The following ADGRB3 variants were observed in gnomAD, a reference collection of about 807,000 sequenced individuals.
ADGRB3 encodes brain-specific angiogenesis inhibitor 3.
A neutral mutation model predicts 193.4 loss-of-function variants in ADGRB3; 37 were observed. The ratio of observed to expected loss-of-function variants is 0.19; its 90% confidence interval spans 0.15 to 0.25. The LOEUF is 0.25. Among genes scored for constraint, ADGRB3 ranks in the 10% least tolerant of loss-of-function variants. The pLI is 1.00. For missense variants in ADGRB3, 1,637 were observed against 1,852.9 expected, an observed-to-expected ratio of 0.88 and a Z score of 2.14; for synonymous variants, 690 against 644.2, an observed-to-expected ratio of 1.07 and a Z score of -1.08.
Position 69,016,179 on chromosome 6 carries a change from A to G in ADGRB3, c.1998+2073A>G, listed in dbSNP as rs184411405. Among the ~76,000 whole-genome samples, 4 of 152,100 alleles carry G rather than the reference A, an allele frequency of 2.6e-5. No homozygotes were observed. The East Asian group carries it at 7.7e-4, about 29-fold the overall frequency. On this transcript the variant is annotated intron_variant, in intron 12 of 31. Transcript: ENST00000370598. Reference sequence around the variant, plus strand: ...ATGTCCTGCAAAGCCTAAAATGTTTACTATATGCAAACAGAAAAAGTTTGC... The same window carrying G: ...ATGTCCTGCAAAGCCTAAAATGTTTGCTATATGCAAACAGAAAAAGTTTGC...
At chr6:69,371,455 A>G (rs1358844470) in intron 29 of ADGRB3, among the ~76,000 whole-genome samples, 3 of 152,076 alleles carry the variant, frequency 2.0e-5, no homozygotes, top group Non-Finnish European at 4.4e-5. Context: ...GAAAAATAAA[A>G]CAAAATTTTG....
chr6:69,023,563 A>G (rs1230811072), intron 13 of ADGRB3, among the ~76,000 whole-genome samples: 2 of 152,180 alleles, frequency 1.3e-5, no homozygotes, highest in African/African-American at 2.4e-5. Context: ...GCACATATGT[A>G]TAGAAGTGAA....
Position 68,993,764 on chromosome 6 carries a change from A to G in ADGRB3, c.1735-4A>G. The G allele has an allele frequency of 6.2e-7, 1 of 1,611,490 alleles. No individual in the cohort carries two copies. Among genetic ancestry groups the G allele is most frequent in the Non-Finnish European group, 8.5e-7 (1 of 1,178,312 alleles). On this transcript the variant is annotated splice_region_variant and splice_polypyrimidine_tract_variant and intron_variant, in intron 10 of 31. Transcript: ENST00000370598. ...TGTTTGCTCTGTTCTTTTGACCATCACAGATTAAAGAGCACCTTGCTAAGG... is the reference window on the plus strand; with the variant it reads ...TGTTTGCTCTGTTCTTTTGACCATCGCAGATTAAAGAGCACCTTGCTAAGG...
chr6:69,378,059 G>A lies in ADGRB3; in HGVS notation c.4276-4772G>A, dbSNP rs562120687. 2.7e-4 allele frequency among the ~76,000 whole-genome samples: 41 copies of A among 152,176 alleles called. No homozygotes were observed. In the South Asian group the frequency reaches 8.5e-3, roughly 32 times the overall value. On this transcript the variant is annotated intron_variant, in intron 30 of 31. Coordinates refer to ENST00000370598, the MANE Select transcript of ADGRB3 (RefSeq NM_001704.3). ...CTGTCTTGTTCATTTAAGGTATTCA[G>A]TATACATTTATTGAGCACCTGCTGA...
chr6:68,985,577 C>A (rs1769047580), intron 10 of ADGRB3, among the ~76,000 whole-genome samples: 2 of 152,232 alleles, frequency 1.3e-5, no homozygotes, highest in South Asian at 4.1e-4. Flanking sequence ...ATGGAGGTGA[C>A]CATTGCCATG....
intron 17 of ADGRB3, among the ~76,000 whole-genome samples, chr6:69,110,370 T>C (rs561933879): frequency 1.3e-5 from 2 of 152,310 alleles, no homozygotes; most frequent in Non-Finnish European, 2.9e-5. Context: ...ATTTTGAACA[T>C]AATATCTCTA....
intron 12 of ADGRB3, among the ~76,000 whole-genome samples, chr6:69,016,425 A>G (rs1234543556): frequency 2.0e-5 from 3 of 151,980 alleles, no homozygotes; most frequent in African/African-American, 7.2e-5. Flanking sequence ...TCCTCAAGGT[A>G]AACGGTAACT....
chr6:69,277,038 C>A (rs1208456305), intron 20 of ADGRB3, among the ~76,000 whole-genome samples: 1 of 149,250 alleles, frequency 6.7e-6, no homozygotes, highest in Non-Finnish European at 1.5e-5. Context: ...GCTCTGTCAC[C>A]ATGCTGGAGT....
At chr6:68,874,082 T>C (rs1297845917) in intron 3 of ADGRB3, among the ~76,000 whole-genome samples, 1 of 152,050 alleles carries the variant, frequency 6.6e-6, no homozygotes, top group Non-Finnish European at 1.5e-5. Context: ...ATTTGACTTT[T>C]AGACTTTTAG....
chr6:69,321,924 A>G (rs1378946239), intron 20 of ADGRB3, among the ~76,000 whole-genome samples: 1 of 151,748 alleles, frequency 6.6e-6, no homozygotes, highest in Non-Finnish European at 1.5e-5. Flanking sequence ...AATGGGTGTT[A>G]TGGAGTCTGG....
chr6:68,669,231 T>A (rs937211341), intron 3 of ADGRB3, among the ~76,000 whole-genome samples: 2 of 151,872 alleles, frequency 1.3e-5, no homozygotes, highest in African/African-American at 4.8e-5. Context: ...AACAATTCAA[T>A]TACACTCTTT....
chr6:69,254,854 C>T (rs1219427431), intron 20 of ADGRB3, among the ~76,000 whole-genome samples: 1 of 111,962 alleles, frequency 8.9e-6, no homozygotes, highest in African/African-American at 3.4e-5. Flanking sequence ...CTATCCCTCC[C>T]CCCTCCCCCC....
intron 17 of ADGRB3, among the ~76,000 whole-genome samples, chr6:69,159,892 T>C (rs1774938955): frequency 6.6e-6 from 1 of 152,130 alleles, no homozygotes; most frequent in Admixed American, 6.6e-5. Flanking sequence ...TTCTTTCCTA[T>C]CCCAGTAAAA....
intron 3 of ADGRB3, among the ~76,000 whole-genome samples, chr6:68,670,644 C>T (rs1768928968): frequency 6.6e-6 from 1 of 151,966 alleles, no homozygotes; most frequent in South Asian, 2.1e-4. Context: ...CAGTACCATG[C>T]TGTTTTGGTG....
At chr6:68,932,299 T>A (rs926942279) in intron 4 of ADGRB3, among the ~76,000 whole-genome samples, 1 of 152,194 alleles carries the variant, frequency 6.6e-6, no homozygotes, top group South Asian at 2.1e-4. Context: ...ACATGATTAG[T>A]TTATGTGTAA....
At chr6:69,262,187 A>G (rs1473960553) in intron 20 of ADGRB3, among the ~76,000 whole-genome samples, 1 of 152,074 alleles carries the variant, frequency 6.6e-6, no homozygotes, top group Non-Finnish European at 1.5e-5. Flanking sequence ...TACTTAGAGT[A>G]TCACTATGGT....
At chr6:68,735,466 A>G (rs566835614) in intron 3 of ADGRB3, among the ~76,000 whole-genome samples, 4 of 152,082 alleles carry the variant, frequency 2.6e-5, no homozygotes, top group African/African-American at 9.6e-5. Context: ...CAAATTAGAA[A>G]TAGAAAAGAT....
intron 3 of ADGRB3, among the ~76,000 whole-genome samples, chr6:68,876,191 A>G (rs1262524880): frequency 6.6e-6 from 1 of 152,184 alleles, no homozygotes; most frequent in African/African-American, 2.4e-5. Context: ...CTATACACAT[A>G]TACAAGATGA....
intron 20 of ADGRB3, among the ~76,000 whole-genome samples, chr6:69,275,701 A>T (rs1176023710): frequency 6.6e-6 from 1 of 152,064 alleles, no homozygotes; most frequent in African/African-American, 2.4e-5. Flanking sequence ...AATATAAAAA[A>T]AAAACATTAT....
Sources: allele counts gnomAD v4.1 joint callset (sites outside exome capture counted in the v4.1 genomes callset), GRCh38; gene constraint gnomAD v4.1.1; transcripts MANE v1.5; gene names NCBI Gene and HGNC (gene_info 2026-07-23, HGNC 2026-07-21).